The following GABRG3 variants were observed in gnomAD, a reference collection of about 807,000 sequenced individuals.
The protein encoded by GABRG3 is gamma-aminobutyric acid type A receptor subunit gamma3, also known as gamma-aminobutyric acid receptor subunit gamma-3.
In GABRG3, 25 loss-of-function variants were observed where a neutral mutation model predicts 48.8. The observed-to-expected ratio is 0.51, with a 90% confidence interval of 0.37 to 0.72. GABRG3 has a LOEUF of 0.72. GABRG3 is among the 30% of genes least tolerant of loss of function. The pLI is 0.00. For missense variants in GABRG3, 394 were observed against 577.9 expected, an observed-to-expected ratio of 0.68 and a Z score of 3.26; for synonymous variants, 227 against 217.6, an observed-to-expected ratio of 1.04 and a Z score of -0.38.
rs536655159 is a variant in GABRG3, at chr15:27,378,921, G to A, written c.574+50033G>A. Among the ~76,000 whole-genome samples, 7 of 147,650 alleles carry A rather than the reference G, an allele frequency of 4.7e-5. No homozygotes were observed. In the South Asian group the frequency reaches 1.5e-3, roughly 32 times the overall value. ...TGGGTCTTCTCTGAATGCCCTCAGC[G>A]GAAAGAACAAATCATGTTGTATGTG... On this transcript the variant is annotated intron_variant, in intron 5 of 9. Transcript: ENST00000615808.
intron 5 of GABRG3, among the ~76,000 whole-genome samples, chr15:27,387,605 C>A (rs531278457): frequency 2.0e-5 from 3 of 151,856 alleles, no homozygotes; most frequent in African/African-American, 7.2e-5. Context: ...TGTTTTCTTC[C>A]AGATTCCTCC....
At chr15:27,110,061 C>A (rs973451660) in intron 3 of GABRG3, among the ~76,000 whole-genome samples, 11 of 152,012 alleles carry the variant, frequency 7.2e-5, no homozygotes, top group Non-Finnish European at 1.0e-4. Flanking sequence ...TATCAAAAAT[C>A]TTTTAACTGT....
At chr15:27,259,289 A>G (rs1010445757) in intron 3 of GABRG3, among the ~76,000 whole-genome samples, 1 of 152,102 alleles carries the variant, frequency 6.6e-6, no homozygotes, top group Non-Finnish European at 1.5e-5. Flanking sequence ...TCAGCCTATC[A>G]GGAGGCTTTA....
intron 3 of GABRG3, 199 bp downstream of exon 3, chr15:27,027,020 C>T (rs982060490): frequency 1.5e-5 from 7 of 455,980 alleles, no homozygotes; most frequent in Non-Finnish European, 2.3e-5. Flanking sequence ...GTAGCATTTC[C>T]ACTTTTAGTT....
chr15:27,527,905 C>T (rs1463576036), intron 8 of GABRG3, 28 bp from the exon 9 acceptor site: 1 of 1,513,710 alleles, frequency 6.6e-7, no homozygotes, highest in Admixed American at 1.9e-5. Context: ...TGACAGTTTC[C>T]TAGTTATTTT....
At chr15:27,021,605 C>T (rs1230044797) in intron 2 of GABRG3, among the ~76,000 whole-genome samples, 1 of 152,186 alleles carries the variant, frequency 6.6e-6, no homozygotes, top group Non-Finnish European at 1.5e-5. Context: ...CTTTGGGAGG[C>T]CCAAGCGGGA....
At chr15:27,023,371 G>T (rs547142563) in intron 2 of GABRG3, among the ~76,000 whole-genome samples, 3 of 152,066 alleles carry the variant, frequency 2.0e-5, no homozygotes, top group Non-Finnish European at 4.4e-5. Flanking sequence ...GTGGCAGTAG[G>T]TCTGTTCATA....
intron 5 of GABRG3, among the ~76,000 whole-genome samples, chr15:27,372,852 C>A (rs1318229092): frequency 6.6e-6 from 1 of 152,172 alleles, no homozygotes; most frequent in Non-Finnish European, 1.5e-5. Flanking sequence ...AACACTGTAC[C>A]TTGAGTGGTT....
chr15:27,173,487 T>A (rs1007501733), intron 3 of GABRG3, among the ~76,000 whole-genome samples: 1 of 152,176 alleles, frequency 6.6e-6, no homozygotes, highest in Admixed American at 6.5e-5. Flanking sequence ...CAAAATATTT[T>A]AAGAGTTTTC....
chr15:27,521,444 G>T (rs866027317), intron 7 of GABRG3, among the ~76,000 whole-genome samples: 13 of 152,150 alleles, frequency 8.5e-5, no homozygotes, highest in Middle Eastern at 6.8e-3. Context: ...ATAATATAGT[G>T]CAGACTCTTT....
intron 3 of GABRG3, among the ~76,000 whole-genome samples, chr15:27,241,684 A>G (rs897178): frequency 0.087 from 13,295 of 152,282 alleles, 1,295 homozygotes; most frequent in African/African-American, 0.25. Context: ...ATCAGCCGCT[A>G]TTCTAGTGCA....
chr15:27,250,869 C>G (rs1235081882), intron 3 of GABRG3, among the ~76,000 whole-genome samples: 1 of 144,426 alleles, frequency 6.9e-6, no homozygotes, highest in Non-Finnish European at 1.5e-5. Context: ...GGCAGCTGCT[C>G]CTCCTGGGCA....
At chr15:27,388,654 C>T (rs1896124411) in intron 5 of GABRG3, among the ~76,000 whole-genome samples, 1 of 152,038 alleles carries the variant, frequency 6.6e-6, no homozygotes. Context: ...GTTATCTTAC[C>T]CCACAATGCA....
chr15:27,005,238 G>T (rs1301863848), intron 2 of GABRG3, among the ~76,000 whole-genome samples: 1 of 151,524 alleles, frequency 6.6e-6, no homozygotes, highest in Non-Finnish European at 1.5e-5. Flanking sequence ...GTCTCTCTCT[G>T]TCGCCAGGCT....
chr15:27,044,245 T>A (rs1896326491), intron 3 of GABRG3, among the ~76,000 whole-genome samples: 1 of 152,128 alleles, frequency 6.6e-6, no homozygotes, highest in Non-Finnish European at 1.5e-5. Flanking sequence ...TCAGGAGTTG[T>A]TTTGGAAGCT....
In GABRG3 at chr15:27,333,544, G is replaced by T. The variant is rs117516936; in HGVS notation, c.574+4656G>T. Reference sequence around the variant, plus strand: ...TTGAAGACCTGTGTGATTAGGTTGGGCTCACCCACATGGGCCAAGATGATC... The same window carrying T: ...TTGAAGACCTGTGTGATTAGGTTGGTCTCACCCACATGGGCCAAGATGATC... On this transcript the variant is annotated intron_variant, in intron 5 of 9. Transcript: ENST00000615808. 1.4e-3 allele frequency among the ~76,000 whole-genome samples: 220 copies of T among 152,252 alleles called. 1 individual carries two copies. Among genetic ancestry groups the T allele is most frequent in the East Asian group, 8.7e-3 (45 of 5,174 alleles).
chr15:27,183,127 T>C (rs1352805943), intron 3 of GABRG3, among the ~76,000 whole-genome samples: 1 of 152,186 alleles, frequency 6.6e-6, no homozygotes, highest in Non-Finnish European at 1.5e-5. Context: ...TTTCAATTTT[T>C]TTTTCCCTAT....
intron 9 of GABRG3, among the ~76,000 whole-genome samples, chr15:27,529,271 G>A (rs1013647026): frequency 1.4e-4 from 22 of 152,122 alleles, no homozygotes; most frequent in African/African-American, 1.7e-4. Context: ...TAACAAGTCC[G>A]AATTTCTTTT....
intron 3 of GABRG3, among the ~76,000 whole-genome samples, chr15:27,122,044 T>C (rs1181332693): frequency 6.6e-6 from 1 of 152,194 alleles, no homozygotes; most frequent in African/African-American, 2.4e-5. Context: ...TAATATTTGA[T>C]AGCACAAGAG....
Sources: gnomAD v4.1 joint callset for allele counts (sites outside exome capture counted in the v4.1 genomes callset) on GRCh38, gnomAD v4.1.1 for gene constraint, MANE v1.5 for transcripts, NCBI Gene and HGNC (gene_info 2026-07-23, HGNC 2026-07-21) for gene names.